EXOC6: variants seen among roughly 807,000 people sequenced by gnomAD.
EXOC6 encodes the protein SEC15-like 1.
Under a neutral mutation model 112.5 loss-of-function variants are expected in EXOC6, and 60 were observed. The ratio of observed to expected loss-of-function variants is 0.53; its 90% CI spans 0.43 to 0.66. The LOEUF (loss-of-function observed/expected upper bound fraction) is 0.66, where lower values mean the gene tolerates loss of function less well. EXOC6 is among the 30% of genes least tolerant of loss of function. The pLI is 0.00. For missense variants in EXOC6, 855 were observed against 957.1 expected (o/e 0.89, Z 1.41); for synonymous variants, 295 against 308.0 (o/e 0.96, Z 0.44).
At chr10:92,863,415 T>A (rs1848001074) in intron 1 of EXOC6, among the ~76,000 whole-genome samples, 1 of 152,202 alleles carries the variant, frequency 6.6e-6, no homozygotes, top group Non-Finnish European at 1.5e-5. Flanking sequence ...TTTTGTAAGC[T>A]GAAAGAATAA....
chr10:92,929,857 A>G (rs540736855), intron 9 of EXOC6, among the ~76,000 whole-genome samples: 128 of 152,322 alleles, frequency 8.4e-4, no homozygotes, highest in African/African-American at 3.0e-3. Flanking sequence ...TCTAACATAT[A>G]TCTAATTGGA....
At chr10:92,827,891 G>A (rs1846412316) in intron 1 of EXOC6, among the ~76,000 whole-genome samples, 1 of 152,082 alleles carries the variant, frequency 6.6e-6, no homozygotes. Context: ...CTGAAATCTT[G>A]GACCTTAACA....
Position 92,983,511 on chromosome 10 carries a change from T to C in EXOC6, c.1953+9279T>C, listed in dbSNP as rs1027093865. 1.5e-4 allele frequency among the ~76,000 whole-genome samples: 22 copies of C among 150,146 alleles called. 1 individual carries two copies. Among genetic ancestry groups the C allele is most frequent in the Non-Finnish European group, 1.3e-4 (9 of 67,456 alleles). On this transcript the variant is annotated intron_variant, in intron 18 of 21. Coordinates refer to ENST00000260762, the MANE Select transcript of EXOC6 (RefSeq NM_019053.6). ...CTTTCTTTCTTCTTCTTTTTTTTTT[T>C]TTTTTTTGAGACAGAGTCTCACTGT... is the stretch of plus-strand genomic sequence containing the variant.
intron 1 of EXOC6, among the ~76,000 whole-genome samples, chr10:92,878,792 G>T (rs1220578001): frequency 6.6e-6 from 1 of 152,014 alleles, no homozygotes; most frequent in Non-Finnish European, 1.5e-5. Flanking sequence ...TTTAAGCCAG[G>T]TTTTTCTCAA....
chr10:92,843,752 G>T (rs1271841386), upstream of EXOC6, among the ~76,000 whole-genome samples: 2 of 152,128 alleles, frequency 1.3e-5, no homozygotes, highest in Admixed American at 6.5e-5. Context: ...CACTTCGGGA[G>T]CCCGAGGTGG....
intron 20 of EXOC6, among the ~76,000 whole-genome samples, chr10:93,056,432 A>G (rs943862459): frequency 6.6e-6 from 1 of 152,160 alleles, no homozygotes; most frequent in Non-Finnish European, 1.5e-5. Context: ...CTTAATTGAG[A>G]TTATCTGAGC....
chr10:92,833,095 G>A (rs1178276702), upstream of EXOC6, among the ~76,000 whole-genome samples: 2 of 152,230 alleles, frequency 1.3e-5, no homozygotes, highest in Non-Finnish European at 2.9e-5. Flanking sequence ...AGGGCTGAGG[G>A]TTGGGGGCTA....
At chr10:92,920,129 G>A in intron 8 of EXOC6, 79 bp downstream of exon 8, 1 of 814,694 alleles carries the variant, frequency 1.2e-6, no homozygotes, top group Non-Finnish European at 1.9e-6. Flanking sequence ...CCTAAAAATT[G>A]ATCATATGCT....
At chr10:93,031,668 G>A (rs1165438007) in intron 20 of EXOC6, among the ~76,000 whole-genome samples, 6 of 151,578 alleles carry the variant, frequency 4.0e-5, no homozygotes, top group Admixed American at 6.6e-5. Context: ...ACATGCTACC[G>A]CACCCAGCTA....
At chr10:92,829,081 G>A (rs1009482557) in intron 1 of EXOC6, among the ~76,000 whole-genome samples, 1 of 152,106 alleles carries the variant, frequency 6.6e-6, no homozygotes, top group Non-Finnish European at 1.5e-5. Flanking sequence ...ATAGGGAAAG[G>A]CCACCTGGGA....
chr10:92,866,708 C>T (rs1251677569), intron 1 of EXOC6, among the ~76,000 whole-genome samples: 1 of 151,656 alleles, frequency 6.6e-6, no homozygotes, highest in Non-Finnish European at 1.5e-5. Context: ...AAAATCTTAG[C>T]AGAATAAAAT....
chr10:92,921,022 T>A (rs1303705838), intron 8 of EXOC6, among the ~76,000 whole-genome samples: 1 of 152,158 alleles, frequency 6.6e-6, no homozygotes, highest in Non-Finnish European at 1.5e-5. Context: ...GTTCAGTCTG[T>A]TTTTTTAAAT....
At chr10:92,860,024 C>G (rs762863763) in intron 1 of EXOC6, among the ~76,000 whole-genome samples, 1 of 151,732 alleles carries the variant, frequency 6.6e-6, no homozygotes, top group Non-Finnish European at 1.5e-5. Flanking sequence ...CACATTGTGC[C>G]GAAAATGTCA....
At chr10:92,932,123 A>T (rs1289600418) in intron 9 of EXOC6, among the ~76,000 whole-genome samples, 1 of 152,188 alleles carries the variant, frequency 6.6e-6, no homozygotes, top group African/African-American at 2.4e-5. Context: ...CTCGGCACTA[A>T]AAGGGAATTG....
At chr10:93,052,217 G>T (rs1846329600) in intron 20 of EXOC6, among the ~76,000 whole-genome samples, 1 of 152,224 alleles carries the variant, frequency 6.6e-6, no homozygotes, top group Non-Finnish European at 1.5e-5. Flanking sequence ...GAGTTTCATA[G>T]AATAGTTTTA....
chr10:92,873,600 ATC>A (rs1335960371), intron 1 of EXOC6, among the ~76,000 whole-genome samples: 1 of 152,196 alleles, frequency 6.6e-6, no homozygotes, highest in African/African-American at 2.4e-5. Context: ...CTTTGACAGA[ATC>A]TCTTCAAATA....
At chr10:92,966,420 A>G (rs1842058310) in intron 17 of EXOC6, among the ~76,000 whole-genome samples, 2 of 134,196 alleles carry the variant, frequency 1.5e-5, no homozygotes, top group South Asian at 5.4e-4. Context: ...TATATCTCCT[A>G]ATGCTATCCC....
At chr10:92,834,969 T>C in intron 1 of EXOC6, 1 of 452,600 alleles carries the variant, frequency 2.2e-6, no homozygotes, top group South Asian at 6.3e-5. Flanking sequence ...AAAGTTTTCT[T>C]ATCCTTAGAG....
At chr10:92,970,969 G>A (rs1415424599) in intron 17 of EXOC6, among the ~76,000 whole-genome samples, 3 of 152,176 alleles carry the variant, frequency 2.0e-5, no homozygotes, top group Admixed American at 6.5e-5. Context: ...ATAGATGTCT[G>A]GTAGGTCCAG....
Sources: gnomAD v4.1 joint callset for allele counts (sites outside exome capture counted in the v4.1 genomes callset) on GRCh38, gnomAD v4.1.1 for gene constraint, MANE v1.5 for transcripts, NCBI Gene and HGNC (gene_info 2026-07-23, HGNC 2026-07-21) for gene names.